Variants in NEBL observed in about 807,000 individuals in gnomAD.
NEBL encodes the protein nebulette.
NEBL carries 122 observed loss-of-function variants against 140.2 expected under a neutral mutation model. The ratio of observed to expected loss-of-function variants is 0.87; its 90% CI spans 0.75 to 1.01. NEBL has a LOEUF of 1.01. Among genes scored for constraint, NEBL ranks in the 50% least tolerant of loss-of-function variants. The pLI is 0.00. For missense variants in NEBL, 1,365 were observed against 1,231.3 expected (o/e 1.11, Z -1.62); for synonymous variants, 436 against 398.9 (o/e 1.09, Z -1.11).
chr10:21,166,233 AAAAAAAAAAAAAGAAAAGAAAAAAAAAT>A (rs201578679), intron 2 of NEBL, among the ~76,000 whole-genome samples: 7,202 of 125,878 alleles, frequency 0.057, 469 homozygotes, highest in East Asian at 0.25. Context: ...AAAAAAAAAA[AAAAAAAAAAAAAGAAAAGAAAAAAAAAT>A]TTTCTACATC....
intron 3 of NEBL, among the ~76,000 whole-genome samples, chr10:21,233,788 CATATATATTACATATATAG>C (rs1025521061): frequency 1.1e-4 from 13 of 121,800 alleles, no homozygotes; most frequent in South Asian, 3.1e-4. Flanking sequence ...CATATATATG[CATATATATTACATATATAG>C]ATATATATTA....
chr10:21,125,840 T>G (rs1838799929), intron 2 of NEBL: 2 of 1,610,882 alleles, frequency 1.2e-6, no homozygotes, highest in East Asian at 4.5e-5. Flanking sequence ...AAAGTCATTT[T>G]CAGCACCTTC....
intron 11 of NEBL, among the ~76,000 whole-genome samples, chr10:20,848,010 G>A (rs942140349): frequency 5.9e-5 from 9 of 152,006 alleles, no homozygotes; most frequent in Non-Finnish European, 1.2e-4. Context: ...TTTCTAAATG[G>A]GAAATGGGTT....
Position 21,033,302 on chromosome 10 carries a change from A to G in NEBL, c.165-13101T>C, listed in dbSNP as rs139174571. 8.5e-3 allele frequency among the ~76,000 whole-genome samples: 1,291 copies of G among 152,354 alleles called. 13 individuals are homozygous for G. Among genetic ancestry groups the G allele is most frequent in the Non-Finnish European group, 0.01 (708 of 68,040 alleles). ...ACATTAGAAGCACAAGAAGGATCACATTCGATTCCTTTGATAAAGATAATA... is the reference window on the plus strand; with the variant it reads ...ACATTAGAAGCACAAGAAGGATCACGTTCGATTCCTTTGATAAAGATAATA... On this transcript the variant is annotated intron_variant, in intron 2 of 6. Transcript: ENST00000417816.
intron 2 of NEBL, among the ~76,000 whole-genome samples, chr10:21,096,619 C>G (rs952735395): frequency 6.6e-6 from 1 of 151,886 alleles, no homozygotes; most frequent in African/African-American, 2.4e-5. Context: ...GCTCATGCAA[C>G]CCTCCTGCCT....
At chr10:20,888,565 A>C (rs1846739881) in intron 3 of NEBL, among the ~76,000 whole-genome samples, 1 of 152,224 alleles carries the variant, frequency 6.6e-6, no homozygotes, top group Admixed American at 6.5e-5. Context: ...AGAATCTACT[A>C]TCTAGAACTT....
intron 4 of NEBL, among the ~76,000 whole-genome samples, chr10:20,939,289 T>G (rs2131559994): frequency 6.6e-6 from 1 of 152,250 alleles, no homozygotes. Flanking sequence ...TCAACATTCT[T>G]AAAGAAAAGA....
intron 2 of NEBL, among the ~76,000 whole-genome samples, chr10:21,114,558 T>G (rs1248714227): frequency 6.6e-6 from 1 of 152,152 alleles, no homozygotes; most frequent in Admixed American, 6.6e-5. Context: ...TGGCTATTTC[T>G]TCTTTCAGTT....
chr10:20,864,963 C>G (rs1844121222), intron 7 of NEBL, among the ~76,000 whole-genome samples: 1 of 152,040 alleles, frequency 6.6e-6, no homozygotes, highest in Non-Finnish European at 1.5e-5. Flanking sequence ...AAATTAAAAT[C>G]TGCTTAAGAA....
chr10:20,788,291 A>C (rs113071729), intron 26 of NEBL, among the ~76,000 whole-genome samples: 55 of 152,308 alleles, frequency 3.6e-4, no homozygotes, highest in African/African-American at 1.1e-3. Context: ...ACTTATAGTC[A>C]TATGTGCTAT....
chr10:21,030,805 CG>C (rs2131804062), intron 2 of NEBL: 1 of 362,312 alleles, frequency 2.8e-6, no homozygotes, highest in East Asian at 7.1e-5. Flanking sequence ...ATGTGAAATA[CG>C]GAATTTGTGA....
At chr10:21,015,558 T>C (rs894765693) in intron 3 of NEBL, among the ~76,000 whole-genome samples, 2 of 152,218 alleles carry the variant, frequency 1.3e-5, no homozygotes, top group African/African-American at 4.8e-5. Flanking sequence ...GCCAGGCTGC[T>C]GGAGCACAGT....
At chr10:20,957,080 T>C (rs1253705486) in intron 4 of NEBL, among the ~76,000 whole-genome samples, 1 of 152,194 alleles carries the variant, frequency 6.6e-6, no homozygotes, top group African/African-American at 2.4e-5. Context: ...CCCTAGATAA[T>C]TGTCCCTACC....
intron 3 of NEBL, among the ~76,000 whole-genome samples, chr10:21,007,688 C>T (rs1838188074): frequency 1.3e-5 from 2 of 152,124 alleles, no homozygotes; most frequent in African/African-American, 4.8e-5. Context: ...AAGATGAAAA[C>T]AGACATAAAA....
intron 2 of NEBL, among the ~76,000 whole-genome samples, chr10:21,148,492 C>A (rs1840001920): frequency 6.6e-6 from 1 of 152,050 alleles, no homozygotes; most frequent in Admixed American, 6.6e-5. Flanking sequence ...TTTTATCCTG[C>A]CCTCCTTTTT....
intron 1 of NEBL, among the ~76,000 whole-genome samples, chr10:21,267,053 C>T (rs1348381575): frequency 1.3e-5 from 2 of 152,104 alleles, no homozygotes; most frequent in Middle Eastern, 3.2e-3. Flanking sequence ...CGGCTCACTG[C>T]AACCTCCACT....
intron 2 of NEBL, among the ~76,000 whole-genome samples, chr10:21,165,222 G>A (rs1199938560): frequency 3.3e-5 from 5 of 152,288 alleles, no homozygotes; most frequent in East Asian, 3.9e-4. Flanking sequence ...AACCCAGAAG[G>A]AAATAAATGA....
At chr10:21,270,024 A>G (rs1842843488) in intron 1 of NEBL, among the ~76,000 whole-genome samples, 1 of 152,244 alleles carries the variant, frequency 6.6e-6, no homozygotes, top group South Asian at 2.1e-4. Flanking sequence ...TTGCAGTAAG[A>G]AAATTATTTA....
intron 2 of NEBL, among the ~76,000 whole-genome samples, chr10:21,065,589 G>A (rs1835497579): frequency 6.6e-6 from 1 of 152,202 alleles, no homozygotes; most frequent in African/African-American, 2.4e-5. Flanking sequence ...ACACATTAAT[G>A]TCTTAACTCA....
Sources: allele counts gnomAD v4.1 joint callset (sites outside exome capture counted in the v4.1 genomes callset), GRCh38; gene constraint gnomAD v4.1.1; transcripts MANE v1.5; gene names NCBI Gene and HGNC (gene_info 2026-07-23, HGNC 2026-07-21).